The following RAB2B variants were observed in gnomAD, a reference collection of about 807,000 sequenced individuals.
RAB2B encodes ras-related protein Rab-2B.
In RAB2B, 20 loss-of-function variants were observed where a neutral mutation model predicts 29.8. The observed-to-expected ratio is 0.67, with a 90% CI of 0.47 to 0.97. The LOEUF (loss-of-function observed/expected upper bound fraction) is 0.97. Among genes scored for constraint, RAB2B ranks in the 50% least tolerant of loss-of-function variants. The pLI is 0.00. For missense variants in RAB2B, 218 were observed against 272.0 expected, an observed-to-expected ratio of 0.80 and a Z score of 1.40; for synonymous variants, 93 against 91.7, an observed-to-expected ratio of 1.01 and a Z score of -0.08.
At chr14:21,473,133 T>C (rs1198666512) in intron 3 of RAB2B, among the ~76,000 whole-genome samples, 1 of 152,168 alleles carries the variant, frequency 6.6e-6, no homozygotes, top group Non-Finnish European at 1.5e-5. Context: ...TCAACTACTT[T>C]TAAGACATAC....
chr14:21,462,279 C>T (rs1424897995), intron 7 of RAB2B, 71 bp downstream of exon 7: 3 of 1,263,490 alleles, frequency 2.4e-6, no homozygotes, highest in African/African-American at 3.1e-5. Context: ...GTAAGCATTC[C>T]ATTCTAGGGA....
intron 6 of RAB2B, among the ~76,000 whole-genome samples, chr14:21,463,351 A>T (rs1052453792): frequency 6.6e-6 from 1 of 151,356 alleles, no homozygotes; most frequent in African/African-American, 2.4e-5. Context: ...GGTTCAAGCA[A>T]TTCTCCTGTC....
intron 6 of RAB2B, among the ~76,000 whole-genome samples, chr14:21,462,789 G>A (rs1313468368): frequency 7.1e-6 from 1 of 140,134 alleles, no homozygotes; most frequent in Non-Finnish European, 1.5e-5. Context: ...AGTGAGCTGA[G>A]ATCGCACCAC....
Position 21,474,900 on chromosome 14 carries a change from A to AT in RAB2B, c.152dup (p.Asp51GlufsTer42). 6.2e-7 allele frequency: 1 copy of AT among 1,614,032 alleles called. No individual in the cohort carries two copies. Among genetic ancestry groups the AT allele is most frequent in the Middle Eastern group, 1.6e-4 (1 of 6,062 alleles). On this transcript the variant is annotated frameshift_variant, in exon 3 of 8. Transcript: ENST00000397762. LOFTEE classifies it high-confidence loss of function. ...AGATTTGCAGTTTGATTTGTTTTCC[A>AT]TCAATGTTGACCATACGAGCTCCAA...
At chr14:21,462,303 T>C (rs1368680832) in intron 7 of RAB2B, 47 bp downstream of exon 7, 1 of 1,554,650 alleles carries the variant, frequency 6.4e-7, no homozygotes, top group Non-Finnish European at 8.8e-7. Context: ...TCCAGTTGTA[T>C]TCAGAACAAG....
intron 3 of RAB2B, among the ~76,000 whole-genome samples, chr14:21,471,461 A>AG (rs1890811949): frequency 6.6e-6 from 1 of 151,860 alleles, no homozygotes; most frequent in Non-Finnish European, 1.5e-5. Context: ...TAAAAAAAAT[A>AG]CAAAAAATTA....
intron 3 of RAB2B, among the ~76,000 whole-genome samples, chr14:21,470,020 T>G (rs888725874): frequency 6.6e-6 from 1 of 150,976 alleles, no homozygotes; most frequent in Admixed American, 6.6e-5. Flanking sequence ...GGCGCAATCT[T>G]GGCTCACTGC....
chr14:21,469,243 T>C (rs144608688), intron 3 of RAB2B, among the ~76,000 whole-genome samples: 19 of 152,272 alleles, frequency 1.2e-4, no homozygotes, highest in African/African-American at 3.9e-4. Context: ...TATCTTAGAA[T>C]GCCAAAACCT....
rs1371322580 is a variant in RAB2B at position 21,463,716 on chromosome 14, A to G, written c.414T>C (p.Ala138=). The change falls in exon 6 of 8, where the codon GCT becomes GCC. Residue 138 remains alanine (A), a synonymous_variant. Transcript: ENST00000397762. ...DVKREEGEAF[A]REHGLIFMET... ...CCATGAATATAAGTCCATGCTCCCT[A>G]GCAAAGGCCTCTCCTTCTTCTCTCT... 12 of 1,614,038 alleles carry G rather than the reference A, an allele frequency of 7.4e-6. No homozygotes were observed. The highest frequency in any genetic ancestry group is 1.0e-5 in the Non-Finnish European group (12 of 1,179,936).
rs1025904709 is a variant in RAB2B at position 21,459,831 on chromosome 14, A to G, written c.*1365T>C. The G allele has an allele frequency of 8.8e-6, 2 of 226,828 alleles. No individual in the cohort carries two copies. Among genetic ancestry groups the G allele is most frequent in the South Asian group, 1.2e-4 (2 of 16,374 alleles). 14.1% of individuals were successfully genotyped at this position (226,828 alleles called of 1,614,324 possible). A position where few individuals can be genotyped will look rare whatever the true frequency, so the allele number is the denominator to read the frequency against. On this transcript the variant is annotated 3_prime_UTR_variant, in exon 8 of 8. Coordinates refer to ENST00000397762, the MANE Select transcript of RAB2B (RefSeq NM_032846.4). ...TAAATATGTCACATTCAGTAAGTAG[A>G]TTAGCCTGATTGGAGTAGAAAGTCT...
chr14:21,463,848 C>A, intron 5 of RAB2B, 81 bp from the exon 6 acceptor site: 2 of 926,406 alleles, frequency 2.2e-6, no homozygotes, highest in South Asian at 3.0e-5. Context: ...AGAATTCCGT[C>A]GTGGTTTCAA....
chr14:21,469,245 C>T (rs570144196), intron 3 of RAB2B, among the ~76,000 whole-genome samples: 27 of 152,038 alleles, frequency 1.8e-4, no homozygotes, highest in Non-Finnish European at 3.1e-4. Flanking sequence ...TCTTAGAATG[C>T]CAAAACCTGG....
chr14:21,469,946 C>CTT lies in RAB2B; in HGVS notation c.187-1196_187-1195dup, dbSNP rs768032520. On this transcript the variant is annotated intron_variant, in intron 3 of 7. Coordinates refer to ENST00000397762, the MANE Select transcript of RAB2B (RefSeq NM_032846.4). ...ACCCTGGGGCCGATATTATTATTCC[C>CTT]TTTTTTTTTTTCTTTTTTTTTTTGA... is the stretch of plus-strand genomic sequence containing the variant. Among the ~76,000 whole-genome samples, 65 of 137,798 alleles carry CTT rather than the reference C, an allele frequency of 4.7e-4. 2 individuals are homozygous for CTT. The highest frequency in any genetic ancestry group is 4.7e-4 in the Non-Finnish European group (31 of 65,484). The allele number at this position is 137,798 out of a possible 152,430, so 90.4% of individuals were successfully genotyped here. A position where few individuals can be genotyped will look rare whatever the true frequency, so the allele number is the denominator to read the frequency against.
chr14:21,463,851 G>T, intron 5 of RAB2B, 84 bp from the exon 6 acceptor site: 1 of 815,028 alleles, frequency 1.2e-6, no homozygotes, highest in East Asian at 2.5e-5. Flanking sequence ...ATTCCGTCGT[G>T]GTTTCAACTG....
rs1890627245 is a variant in RAB2B at position 21,463,881 on chromosome 14, T to TGTA, written c.363-117_363-115dup. On this transcript the variant is annotated intron_variant, in intron 5 of 7. Transcript: ENST00000397762. The stretch of plus-strand genomic sequence containing the variant: ...CAACTGCCAGTTATTTCATAAAGAA[T>TGTA]GTAGATCCTACATGATACTCTTATA... The TGTA allele has an allele frequency of 6.0e-6, 4 of 664,144 alleles. No individual in the cohort carries two copies. In the Admixed American group the frequency reaches 1.1e-4, roughly 18 times the overall value. The allele number at this position is 664,144 out of a possible 1,614,324, so 41.1% of individuals were successfully genotyped here.
At chr14:21,469,909 C>A in intron 3 of RAB2B, among the ~76,000 whole-genome samples, 1 of 150,992 alleles carries the variant, frequency 6.6e-6, no homozygotes, top group African/African-American at 2.4e-5. Flanking sequence ...ATTTCATTTA[C>A]TTCTCTTAGC....
At chr14:21,476,633 G>A (rs1222780454) in intron 1 of RAB2B, 34 bp from the exon 2 acceptor site, 2 of 1,613,550 alleles carry the variant, frequency 1.2e-6, no homozygotes, top group African/African-American at 2.7e-5. Context: ...GAATCACGCA[G>A]CCCTGGAACA....
chr14:21,476,437 A>T, intron 2 of RAB2B, 91 bp downstream of exon 2: 1 of 1,487,368 alleles, frequency 6.7e-7, no homozygotes, highest in Non-Finnish European at 9.3e-7. Flanking sequence ...GTAACTTTTT[A>T]CTTCGAACAC....
At position 21,459,487 on chromosome 14, in the gene RAB2B, GGCA is replaced by G. The variant is rs1566463304; in HGVS notation, c.*1706_*1708del. 1 of 152,098 alleles carries G rather than the reference GGCA, an allele frequency of 6.6e-6. No homozygotes were observed. Among genetic ancestry groups the G allele is most frequent in the East Asian group, 1.9e-4 (1 of 5,194 alleles). 9.4% of individuals were successfully genotyped at this position (152,098 alleles called of 1,614,324 possible). Reference sequence around the variant, plus strand: ...AATGAACACATAATGAGTAGCACTAGGCACTGTAAAGGAATGATAGGGGGAATA... The same window carrying G: ...AATGAACACATAATGAGTAGCACTAGCTGTAAAGGAATGATAGGGGGAATA... On this transcript the variant is annotated 3_prime_UTR_variant, in exon 8 of 8. Transcript: ENST00000397762.
Sources: allele counts gnomAD v4.1 joint callset (sites outside exome capture counted in the v4.1 genomes callset), GRCh38; gene constraint gnomAD v4.1.1; transcripts MANE v1.5; gene names NCBI Gene and HGNC (gene_info 2026-07-23, HGNC 2026-07-21).